The following PXT1 variants were observed in gnomAD, a reference collection of about 807,000 sequenced individuals.
PXT1 encodes peroxisomal testis enriched protein 1.
In PXT1, 11 loss-of-function variants were observed where a neutral mutation model predicts 11.0. The observed-to-expected ratio is 1.00, with a 90% confidence interval of 0.63 to 1.66. The LOEUF is 1.66. PXT1 is among the 40% of genes most tolerant of loss of function. PXT1 has a pLI of 0.00. For missense variants in PXT1, 141 were observed against 155.5 expected (o/e 0.91, Z 0.49); for synonymous variants, 43 against 51.4 (o/e 0.84, Z 0.70).
At chr6:36,413,585 C>T (rs1461495008) in intron 3 of PXT1, among the ~76,000 whole-genome samples, 3 of 152,188 alleles carry the variant, frequency 2.0e-5, no homozygotes, top group African/African-American at 7.2e-5. Context: ...CAACTGACTT[C>T]CCATCAATAA....
chr6:36,439,034 G>T (rs1343955643), intron 1 of PXT1, 148 bp from the exon 2 acceptor site: 1 of 151,038 alleles, frequency 6.6e-6, no homozygotes, highest in Non-Finnish European at 1.5e-5. Context: ...ACGGAGTCTC[G>T]GTATCGCCCA....
rs2127408463 is a variant in PXT1, at chr6:36,391,635, G to A, written c.*135C>T. 5.7e-6 allele frequency: 4 copies of A among 706,492 alleles called. No individual in the cohort carries two copies. In the East Asian group the frequency reaches 1.0e-4, roughly 18 times the overall value. The allele number at this position is 706,492 out of a possible 1,614,324, so 43.8% of individuals were successfully genotyped here. Reference sequence around the variant, plus strand: ...GAACCCGCAGTTCTTCAACAAACTGGGTGTAGACCAACAGTGATGGGTACA... The same window carrying A: ...GAACCCGCAGTTCTTCAACAAACTGAGTGTAGACCAACAGTGATGGGTACA... On this transcript the variant is annotated 3_prime_UTR_variant, in exon 5 of 5. Transcript: ENST00000454782.
intron 3 of PXT1, among the ~76,000 whole-genome samples, chr6:36,424,727 G>A (rs901001070): frequency 2.6e-5 from 4 of 152,012 alleles, no homozygotes; most frequent in Admixed American, 6.6e-5. Flanking sequence ...CAGGCCGGTC[G>A]CGGTGGCTCA....
chr6:36,391,490 A>C lies in PXT1; in HGVS notation c.*280T>G. On this transcript the variant is annotated 3_prime_UTR_variant, in exon 5 of 5. Transcript: ENST00000454782. The stretch of plus-strand genomic sequence containing the variant: ...CTCACAAGGAGCCCTGGGACCATCC[A>C]CAGCGCTGGTGTTTTCTGGGCAGCA... The C allele has an allele frequency of 1.8e-5, 7 of 389,120 alleles. No individual in the cohort carries two copies. The highest frequency in any genetic ancestry group is 5.8e-5 in the East Asian group (1 of 17,106). The allele number at this position is 389,120 out of a possible 1,614,324, so 24.1% of individuals were successfully genotyped here.
intron 3 of PXT1, among the ~76,000 whole-genome samples, chr6:36,424,690 A>G (rs1048506937): frequency 2.0e-5 from 3 of 151,220 alleles, no homozygotes; most frequent in Admixed American, 2.0e-4. Context: ...ATTTCAGTCA[A>G]TTCAGTGCTT....
chr6:36,427,395 C>T (rs557010004), intron 2 of PXT1, among the ~76,000 whole-genome samples: 1 of 152,206 alleles, frequency 6.6e-6, no homozygotes, highest in South Asian at 2.1e-4. Context: ...CCTAAATCTA[C>T]CTTCTATTCT....
intron 3 of PXT1, among the ~76,000 whole-genome samples, chr6:36,412,285 G>A (rs1040883364): frequency 4.6e-5 from 7 of 151,958 alleles, no homozygotes; most frequent in South Asian, 2.1e-4. Flanking sequence ...CTGGGAGGTC[G>A]AGGTTGCAAT....
chr6:36,425,680 C>T lies in PXT1; in HGVS notation c.169+234G>A, dbSNP rs1042309191. On this transcript the variant is annotated intron_variant, in intron 3 of 4. Coordinates refer to ENST00000454782, the MANE Select transcript of PXT1 (RefSeq NM_152990.4). ...GTGGGCGCCTGCAATCCCAGCTACT[C>T]GGGAGGCTGAGGCAGGAGAATCGCT... Among the ~76,000 whole-genome samples the T allele has an allele frequency of 7.9e-5, 12 of 151,582 alleles. No individual in the cohort carries two copies. In the East Asian group the frequency reaches 2.3e-3, roughly 29 times the overall value.
chr6:36,410,691 A>G (rs1238155039), intron 3 of PXT1, among the ~76,000 whole-genome samples: 1 of 152,218 alleles, frequency 6.6e-6, no homozygotes, highest in African/African-American at 2.4e-5. Context: ...CTGTGGTGAA[A>G]GCAGAAGCTT....
chr6:36,410,144 G>GGAGAGA (rs146278596), intron 3 of PXT1, among the ~76,000 whole-genome samples: 32,496 of 140,036 alleles, frequency 0.23, 3,783 homozygotes, highest in East Asian at 0.37. Context: ...AAGGAAGGAA[G>GGAGAGA]GAGAGAGAGA....
chr6:36,392,155 G>A (rs1774078774), intron 4 of PXT1, among the ~76,000 whole-genome samples: 1 of 152,096 alleles, frequency 6.6e-6, no homozygotes, highest in Non-Finnish European at 1.5e-5. Flanking sequence ...GGCCTCCCCA[G>A]TAGCTAGGAC....
At chr6:36,395,309 C>T (rs1164861769) in intron 4 of PXT1, among the ~76,000 whole-genome samples, 5 of 152,048 alleles carry the variant, frequency 3.3e-5, no homozygotes, top group Non-Finnish European at 5.9e-5. Flanking sequence ...TCTTTAAATA[C>T]ATCAATGGCA....
chr6:36,400,226 T>C (rs986618658), intron 4 of PXT1, among the ~76,000 whole-genome samples: 3 of 152,170 alleles, frequency 2.0e-5, no homozygotes, highest in African/African-American at 7.2e-5. Context: ...TCTAATCAAG[T>C]GATGCTGATG....
chr6:36,425,152 G>A (rs568421769), intron 3 of PXT1, among the ~76,000 whole-genome samples: 2 of 152,214 alleles, frequency 1.3e-5, no homozygotes, highest in African/African-American at 4.8e-5. Context: ...GCATTCTGGG[G>A]CATTTAGGAA....
intron 4 of PXT1, among the ~76,000 whole-genome samples, chr6:36,399,427 G>A (rs993321580): frequency 6.6e-5 from 10 of 152,212 alleles, no homozygotes; most frequent in Admixed American, 2.0e-4. Context: ...GATTACAGGC[G>A]TGAGCCACCG....
At chr6:36,405,164 G>A (rs547895747) in intron 3 of PXT1, among the ~76,000 whole-genome samples, 1 of 152,092 alleles carries the variant, frequency 6.6e-6, no homozygotes, top group South Asian at 2.1e-4. Context: ...ATGTGTTTGT[G>A]TCTCCGTTTT....
intron 2 of PXT1, among the ~76,000 whole-genome samples, chr6:36,431,196 T>C (rs1363869525): frequency 6.6e-6 from 1 of 152,214 alleles, no homozygotes; most frequent in Non-Finnish European, 1.5e-5. Flanking sequence ...TAAAATGGGC[T>C]CTTGTCCATA....
At chr6:36,425,884 A>G (rs1023167090) in intron 3 of PXT1, 30 bp downstream of exon 3, 5 of 1,489,870 alleles carry the variant, frequency 3.4e-6, no homozygotes, top group Admixed American at 2.1e-5. Flanking sequence ...TAAGTAAACT[A>G]TTTATCTTAG....
chr6:36,395,958 A>C (rs921790971), intron 4 of PXT1, among the ~76,000 whole-genome samples: 3 of 152,188 alleles, frequency 2.0e-5, no homozygotes, highest in African/African-American at 7.2e-5. Context: ...AGATAGTGCC[A>C]CTGTACTCCA....
Sources: gnomAD v4.1 joint callset for allele counts (sites outside exome capture counted in the v4.1 genomes callset) on GRCh38, gnomAD v4.1.1 for gene constraint, MANE v1.5 for transcripts, NCBI Gene and HGNC (gene_info 2026-07-23, HGNC 2026-07-21) for gene names.